The following SLC9D1 variants were observed in gnomAD, a reference collection of about 807,000 sequenced individuals.
SLC9D1 encodes putative LAG1-interacting protein.
the SLC9D1 span, chr13:113,495,964 T>TCGTGAACATGAAGGAGAGCAGC: frequency 1.2e-6 from 2 of 1,613,622 alleles, no homozygotes; most frequent in Non-Finnish European, 1.7e-6. Context: ...TACAAAGATG[T>TCGTGAACATGAAGGAGAGCAGC]CGTGAACATG....
the SLC9D1 span, among the ~76,000 whole-genome samples, chr13:113,524,827 C>T: frequency 6.6e-6 from 1 of 151,776 alleles, no homozygotes; most frequent in South Asian, 2.1e-4. Flanking sequence ...TTTTTTAAAT[C>T]CACTCAGCCA....
At chr13:113,516,406 A>G in the SLC9D1 span, among the ~76,000 whole-genome samples, 1 of 152,050 alleles carries the variant, frequency 6.6e-6, no homozygotes, top group African/African-American at 2.4e-5. Flanking sequence ...CTCTACTGAA[A>G]ATATAAAAAT....
At chr13:113,500,516 G>T in the SLC9D1 span, among the ~76,000 whole-genome samples, 1 of 152,190 alleles carries the variant, frequency 6.6e-6, no homozygotes, top group African/African-American at 2.4e-5. Flanking sequence ...GCTTCATTTA[G>T]CCCTGGGGTG....
chr13:113,534,234 G>A, the SLC9D1 span: 72 of 1,611,366 alleles, frequency 4.5e-5, no homozygotes, highest in Non-Finnish European at 5.5e-5. Flanking sequence ...TCTTCTTAAT[G>A]TTAACGGTAA....
chr13:113,539,455 C>T, the SLC9D1 span: 8 of 1,613,540 alleles, frequency 5.0e-6, no homozygotes, highest in Admixed American at 1.2e-4. The surrounding 1 kb of genome is among the most constrained non-coding windows in gnomAD (Gnocchi z 4.8). Flanking sequence ...AGATCGCCAC[C>T]TCCATCGAAC....
At chr13:113,549,783 G>A in the SLC9D1 span, 42 of 683,970 alleles carry the variant, frequency 6.1e-5, no homozygotes, top group Middle Eastern at 2.6e-4. Context: ...GCGTTTTACC[G>A]ATCACCTTGA....
At chr13:113,497,425 T>A in the SLC9D1 span, among the ~76,000 whole-genome samples, 1 of 146,052 alleles carries the variant, frequency 6.8e-6, no homozygotes, top group African/African-American at 2.6e-5. Flanking sequence ...CAGCTCTGTG[T>A]GAGACCAGCT....
chr13:113,549,626 G>A, the SLC9D1 span: 36 of 1,534,278 alleles, frequency 2.3e-5, no homozygotes, highest in Non-Finnish European at 3.1e-5. Context: ...TGGGAAGCTC[G>A]CACCTTGGCA....
chr13:113,514,795 C>T, the SLC9D1 span, among the ~76,000 whole-genome samples: 1 of 152,204 alleles, frequency 6.6e-6, no homozygotes, highest in Admixed American at 6.5e-5. Context: ...TGGCTCACTG[C>T]AGCCCCAACC....
chr13:113,520,544 C>A, the SLC9D1 span: 5 of 974,410 alleles, frequency 5.1e-6, no homozygotes, highest in South Asian at 1.5e-5. Context: ...GAAGTGTGTA[C>A]AATGGCAATA....
the SLC9D1 span, chr13:113,495,553 T>G: frequency 6.7e-7 from 1 of 1,494,016 alleles, no homozygotes; most frequent in South Asian, 1.3e-5. Flanking sequence ...ACCCGTGGAT[T>G]GCTGTGCCCT....
At chr13:113,495,667 C>T in the SLC9D1 span, 7 of 1,606,956 alleles carry the variant, frequency 4.4e-6, no homozygotes, top group South Asian at 4.4e-5. Flanking sequence ...GAGGAGGTGG[C>T]GCAGCGTGTG....
At chr13:113,504,645 G>T in the SLC9D1 span, 10 of 152,164 alleles carry the variant, frequency 6.6e-5, no homozygotes, top group South Asian at 2.1e-4. Context: ...TTCCATCCAG[G>T]TTGCTACAAA....
the SLC9D1 span, chr13:113,530,351 A>G: frequency 6.6e-6 from 1 of 152,328 alleles, no homozygotes; most frequent in South Asian, 2.1e-4. Flanking sequence ...TAAATGGGTA[A>G]GTTGTATGGT....
chr13:113,501,511 G>A, the SLC9D1 span, among the ~76,000 whole-genome samples: 2 of 152,120 alleles, frequency 1.3e-5, no homozygotes, highest in African/African-American at 4.8e-5. Flanking sequence ...CAAAGATACC[G>A]AGGGGTGACT....
the SLC9D1 span, among the ~76,000 whole-genome samples, chr13:113,545,339 C>T: frequency 6.6e-6 from 1 of 152,222 alleles, no homozygotes; most frequent in African/African-American, 2.4e-5. Context: ...TGCTGTGGAG[C>T]CGGTGGGGCC....
At chr13:113,527,837 C>G in the SLC9D1 span, 1 of 152,206 alleles carries the variant, frequency 6.6e-6, no homozygotes, top group Non-Finnish European at 1.5e-5. Context: ...GTCTCTGAGG[C>G]CTTGACCGTC....
chr13:113,500,246 C>G, the SLC9D1 span: 3 of 692,998 alleles, frequency 4.3e-6, no homozygotes, highest in Non-Finnish European at 4.3e-6. Context: ...CACAGCCTTC[C>G]TTCTAGCAGA....
the SLC9D1 span, among the ~76,000 whole-genome samples, chr13:113,531,223 G>A: frequency 8.2e-4 from 125 of 152,330 alleles, no homozygotes; most frequent in East Asian, 0.012. Context: ...GGTGCGTCCC[G>A]CCAGGGAGCC....
Sources: gnomAD v4.1 joint callset for allele counts (sites outside exome capture counted in the v4.1 genomes callset) on GRCh38, gnomAD v4.1.1 for gene constraint, Gnocchi (gnomAD v3.1) non-coding constraint, MANE v1.5 for transcripts, NCBI Gene and HGNC (gene_info 2026-07-23, HGNC 2026-07-21) for gene names.